SCN10A: variants seen among roughly 807,000 people sequenced by gnomAD.
The protein encoded by SCN10A is sodium channel protein type 10 subunit alpha.
A neutral mutation model predicts 170.7 loss-of-function variants in SCN10A; 162 were observed. That is an observed-to-expected ratio of 0.95 (90% CI 0.84 to 1.08). The LOEUF is 1.08. SCN10A is among the 50% of genes least tolerant of loss of function. The pLI is 0.00. For synonymous variants in SCN10A, 985 were observed against 904.6 expected, an observed-to-expected ratio of 1.09 and a Z score of -1.59; for missense variants, 2,527 against 2,436.9, an observed-to-expected ratio of 1.04 and a Z score of -0.78.
At chr3:38,768,345 A>G (rs1175959258) in intron 5 of SCN10A, among the ~76,000 whole-genome samples, 1 of 151,974 alleles carries the variant, frequency 6.6e-6, no homozygotes, top group Non-Finnish European at 1.5e-5. Flanking sequence ...TTTGATATTT[A>G]TGCTTTAAGG....
At chr3:38,699,225 G>T (rs2063131852) in intron 27 of SCN10A, among the ~76,000 whole-genome samples, 1 of 143,314 alleles carries the variant, frequency 7.0e-6, no homozygotes, top group Non-Finnish European at 1.5e-5. Flanking sequence ...TTCGGTTCCA[G>T]CTGTTTTTGA....
rs765386986 is a variant in SCN10A at position 38,698,563 on chromosome 3, C to A, written c.4658-1G>T. 1.9e-6 allele frequency: 3 copies of A among 1,609,414 alleles called. No individual in the cohort carries two copies. Among genetic ancestry groups the A allele is most frequent in the East Asian group, 4.5e-5 (2 of 44,758 alleles). ...TTAAGAATTGCAGAAAAAATCAGGC[C>A]TTTAAAAGAAGGAAGAAATTATCTA... On this transcript the variant is annotated splice_acceptor_variant, in intron 27 of 27. Transcript: ENST00000449082. LOFTEE classifies it high-confidence loss of function.
chr3:38,805,661 AAGAAAG>A (rs2064400760), intron 1 of SCN10A, among the ~76,000 whole-genome samples: 1 of 151,924 alleles, frequency 6.6e-6, no homozygotes, highest in Non-Finnish European at 1.5e-5. Context: ...ATAAGCCACT[AAGAAAG>A]TGTGATAAGC....
chr3:38,764,893 G>A (rs2126035432), intron 5 of SCN10A, among the ~76,000 whole-genome samples: 1 of 151,908 alleles, frequency 6.6e-6, no homozygotes, highest in South Asian at 2.1e-4. Context: ...TTTTGGTTAT[G>A]GCCATTCTTG....
At chr3:38,792,835 T>C (rs2064300534) in intron 2 of SCN10A, among the ~76,000 whole-genome samples, 2 of 152,142 alleles carry the variant, frequency 1.3e-5, no homozygotes, top group South Asian at 4.1e-4. Flanking sequence ...CTACTGATTC[T>C]CAAACTTTTT....
chr3:38,709,745 T>C, intron 24 of SCN10A, 130 bp from the exon 25 acceptor site: 1 of 779,676 alleles, frequency 1.3e-6, no homozygotes, highest in South Asian at 2.4e-5. Flanking sequence ...GAAGCAGGAA[T>C]GAGGGAGTGG....
rs563896028 is a variant in SCN10A at position 38,743,232 on chromosome 3, G to T, written c.1868-703C>A. Among the ~76,000 whole-genome samples the T allele has an allele frequency of 2.0e-5, 3 of 150,224 alleles. No individual in the cohort carries two copies. The East Asian group carries it at 6.0e-4, about 30-fold the overall frequency. Reference sequence around the variant, plus strand: ...CCTTCTTCCTACCACTAAATCTCTGGCATATCTGCAAGTCCACCTGGTATT... The same window carrying T: ...CCTTCTTCCTACCACTAAATCTCTGTCATATCTGCAAGTCCACCTGGTATT... On this transcript the variant is annotated intron_variant, in intron 13 of 27. Transcript: ENST00000449082.
chr3:38,752,393 A>G lies in SCN10A; in HGVS notation c.1581T>C (p.Pro527=), dbSNP rs1430596960. ...PEGVTDDGVF[P]GDHESHRGSL... ...AGCCCCGATGGCTTTCGTGGTCTCC[A>G]GGAAAGACTCCATCATCTGTGACTC... Residue 527 remains proline, a synonymous_variant, in exon 12 of 28, where the codon CCT becomes CCC. Transcript: ENST00000449082. The G allele has an allele frequency of 8.1e-6, 13 of 1,613,916 alleles. No homozygotes were observed. The highest frequency in any genetic ancestry group is 1.1e-5 in the Non-Finnish European group (13 of 1,179,980).
chr3:38,742,552 A>C, intron 13 of SCN10A, 23 bp from the exon 14 acceptor site: 1 of 1,592,210 alleles, frequency 6.3e-7, no homozygotes, highest in Non-Finnish European at 8.6e-7. Flanking sequence ...GTGGTCAATG[A>C]CAGCTGTCAG....
intron 6 of SCN10A, among the ~76,000 whole-genome samples, chr3:38,762,252 G>T (rs1362391642): frequency 6.6e-6 from 1 of 152,182 alleles, no homozygotes; most frequent in Admixed American, 6.5e-5. Flanking sequence ...GCTGAGTGAT[G>T]GCTAAGGCAG....
At chr3:38,809,842 A>G (rs1476138930) in intron 1 of SCN10A, among the ~76,000 whole-genome samples, 1 of 152,220 alleles carries the variant, frequency 6.6e-6, no homozygotes, top group Non-Finnish European at 1.5e-5. Flanking sequence ...GCTATATTAT[A>G]TGGTTCCAAC....
intron 18 of SCN10A, 118 bp from the exon 19 acceptor site, chr3:38,723,671 A>T (rs1253501884): frequency 8.2e-7 from 1 of 1,225,598 alleles, no homozygotes; most frequent in Non-Finnish European, 1.1e-6. Context: ...TGAGGCCTGG[A>T]ACACTGCTCT....
At chr3:38,759,361 C>A (rs544257311) in intron 8 of SCN10A, among the ~76,000 whole-genome samples, 1 of 152,232 alleles carries the variant, frequency 6.6e-6, no homozygotes, top group South Asian at 2.1e-4. Context: ...ACATTCTGTT[C>A]TGCCACCTGG....
At chr3:38,735,898 G>A (rs2126008923) in intron 15 of SCN10A, among the ~76,000 whole-genome samples, 1 of 152,302 alleles carries the variant, frequency 6.6e-6, no homozygotes, top group East Asian at 1.9e-4. Flanking sequence ...TGGGCCTTGT[G>A]CTAGGCCCTT....
chr3:38,712,281 C>G lies in SCN10A; in HGVS notation c.3969G>C (p.Leu1323Phe), dbSNP rs769071290. ...AGTCAGACTTGTTATTCACAATCGA[C>G]AAAGGTACAAGGGAAAACTCTCCAT... ...YTDGEFSLVPLSIVNNKSDCK... is the reference protein window; with the variant it reads ...YTDGEFSLVPFSIVNNKSDCK... The change falls in exon 23 of 28, where the codon TTG (leucine) becomes TTC (phenylalanine). Residue 1323 changes from leucine to phenylalanine, a missense_variant. Coordinates refer to ENST00000449082, the MANE Select transcript of SCN10A (RefSeq NM_006514.4). The G allele has an allele frequency of 3.1e-6, 5 of 1,614,078 alleles. No individual in the cohort carries two copies. In the Admixed American group the frequency reaches 6.7e-5, roughly 22 times the overall value.
intron 25 of SCN10A, among the ~76,000 whole-genome samples, chr3:38,709,043 A>G (rs143836137): frequency 4.0e-4 from 61 of 152,294 alleles, no homozygotes; most frequent in African/African-American, 1.3e-3. Context: ...TGGAGGCACA[A>G]GCCTTCCTCC....
chr3:38,739,428 G>A, intron 15 of SCN10A, 87 bp downstream of exon 15: 1 of 1,213,574 alleles, frequency 8.2e-7, no homozygotes, highest in Non-Finnish European at 1.2e-6. Flanking sequence ...AGAGGAAGGG[G>A]GAGCTGGCTG....
chr3:38,746,463 A>G (rs1328929479), intron 13 of SCN10A, among the ~76,000 whole-genome samples: 1 of 151,936 alleles, frequency 6.6e-6, no homozygotes, highest in East Asian at 1.9e-4. Context: ...TTCCCTGACA[A>G]CATACTTCCC....
intron 21 of SCN10A, among the ~76,000 whole-genome samples, 163 bp downstream of exon 21, chr3:38,718,490 C>T (rs541269701): frequency 6.6e-6 from 1 of 152,354 alleles, no homozygotes; most frequent in South Asian, 2.1e-4. Context: ...GACTTTACCA[C>T]TCATGGGTGT....
Sources: gnomAD v4.1 joint callset for allele counts (sites outside exome capture counted in the v4.1 genomes callset) on GRCh38, gnomAD v4.1.1 for gene constraint, MANE v1.5 for transcripts, NCBI Gene and HGNC (gene_info 2026-07-23, HGNC 2026-07-21) for gene names.